LRRC4B: variants seen among roughly 807,000 people sequenced by gnomAD.
LRRC4B encodes leucine rich repeat containing 4B.
Under a neutral mutation model 7.3 loss-of-function variants are expected in LRRC4B, and 1 was observed. The ratio of observed to expected loss-of-function variants is 0.14; its 90% confidence interval spans 0.05 to 0.65. The LOEUF (loss-of-function observed/expected upper bound fraction) is 0.65. LRRC4B is among the 30% of genes least tolerant of loss of function. The pLI is 0.84. For missense variants in LRRC4B, 730 were observed against 1,041.6 expected (o/e 0.70, Z 4.12); for synonymous variants, 500 against 499.2 (o/e 1.00, Z -0.02).
intron 2 of LRRC4B, among the ~76,000 whole-genome samples, chr19:50,526,342 C>T (rs1980805607): frequency 6.6e-6 from 1 of 152,194 alleles, no homozygotes; most frequent in South Asian, 2.1e-4. Context: ...CTGGATACCT[C>T]CCTGCATCTG....
intron 1 of LRRC4B, among the ~76,000 whole-genome samples, chr19:50,565,791 C>T (rs1029175704): frequency 2.0e-5 from 3 of 152,082 alleles, no homozygotes; most frequent in Non-Finnish European, 2.9e-5. Flanking sequence ...TCTGCCTCAC[C>T]CGCGTGTCTG....
rs1262310519 is a variant in LRRC4B at position 50,548,762 on chromosome 19, A to C, written c.77T>G (p.Phe26Cys). 6.5e-7 allele frequency: 1 copy of C among 1,539,160 alleles called. No homozygotes were observed. Among genetic ancestry groups the C allele is most frequent in the Non-Finnish European group, 8.7e-7 (1 of 1,147,240 alleles). ...CAGGGGTGGGGAGAAGAGCCAGAGGAAGAGCAATGCCCCGTGGGGCCAGGA... is the reference window on the plus strand; with the variant it reads ...CAGGGGTGGGGAGAAGAGCCAGAGGCAGAGCAATGCCCCGTGGGGCCAGGA... Reference protein sequence around the residue: ...RMSWPHGALLFLWLFSPPLGA... With the variant: ...RMSWPHGALLCLWLFSPPLGA... Residue 26 changes from phenylalanine (F) to cysteine (C), a missense_variant, in exon 2 of 3, where the codon TTC becomes TGC. Physicochemically the swap from Phe to Cys is radical, Grantham distance 205. This residue lies in a region of LRRC4B where 143 missense variants were observed against 158.4 expected (regional missense o/e 0.90). Coordinates refer to ENST00000652263, the MANE Select transcript of LRRC4B (RefSeq NM_001080457.2). This position sits in a 1 kb window ranked among gnomAD's most constrained non-coding sequence, Gnocchi z 6.8.
intron 2 of LRRC4B, among the ~76,000 whole-genome samples, chr19:50,523,543 TG>T (rs1490135302): frequency 6.5e-5 from 2 of 30,668 alleles, no homozygotes; most frequent in South Asian, 3.6e-3. Flanking sequence ...CCGGGGGTGG[TG>T]GGGGGTGCCT....
At chr19:50,547,663 G>A (rs1015652704) in intron 2 of LRRC4B, among the ~76,000 whole-genome samples, 7 of 147,880 alleles carry the variant, frequency 4.7e-5, no homozygotes, top group African/African-American at 7.5e-5. Flanking sequence ...TCTAGTGGCC[G>A]GAAATGCTGG....
In LRRC4B at chr19:50,556,430, T is replaced by C. The variant is rs1293377690; in HGVS notation, c.-35-7557A>G. Among the ~76,000 whole-genome samples the C allele has an allele frequency of 2.0e-5, 3 of 152,118 alleles. No homozygotes were observed. Among genetic ancestry groups the C allele is most frequent in the African/African-American group, 7.2e-5 (3 of 41,428 alleles). On this transcript the variant is annotated intron_variant, in intron 1 of 2. Transcript: ENST00000652263. The surrounding 1 kb of genome is among the most constrained non-coding windows in gnomAD (Gnocchi z 4.2). ...CAGACCCGTTCCCCTGAGGGGACTTTGCCCCTGCTGTGCCCTCGGCCAGCC... is the reference window on the plus strand; with the variant it reads ...CAGACCCGTTCCCCTGAGGGGACTTCGCCCCTGCTGTGCCCTCGGCCAGCC...
chr19:50,548,856 C>T lies in LRRC4B; in HGVS notation c.-18G>A, dbSNP rs758659242. 1.7e-5 allele frequency: 20 copies of T among 1,183,188 alleles called. No individual in the cohort carries two copies. The highest frequency in any genetic ancestry group is 3.5e-5 in the East Asian group (1 of 28,654). The allele number at this position is 1,183,188 out of a possible 1,614,324, so 73.3% of individuals were successfully genotyped here. ...CGCGCCATCCTCAATGTTCATGCTC[C>T]GCGTGGACGCTGGGGGGCTGTGGGT... On this transcript the variant is annotated 5_prime_UTR_variant, in exon 2 of 3. Transcript: ENST00000652263. This position sits in a 1 kb window ranked among gnomAD's most constrained non-coding sequence, Gnocchi z 6.8.
intron 1 of LRRC4B, among the ~76,000 whole-genome samples, chr19:50,567,485 C>A (rs1471004906): frequency 1.3e-5 from 2 of 151,832 alleles, no homozygotes; most frequent in Non-Finnish European, 2.9e-5. Flanking sequence ...GCCCGCCTCT[C>A]CCCCCTCCCC....
At chr19:50,562,832 C>G (rs1443888027) in intron 1 of LRRC4B, among the ~76,000 whole-genome samples, 1 of 151,736 alleles carries the variant, frequency 6.6e-6, no homozygotes, top group Non-Finnish European at 1.5e-5. Flanking sequence ...CCTCTGCCTC[C>G]CGGGTTCAAG....
At chr19:50,564,742 G>A (rs1982571882) in intron 1 of LRRC4B, among the ~76,000 whole-genome samples, 1 of 152,030 alleles carries the variant, frequency 6.6e-6, no homozygotes, top group Middle Eastern at 3.2e-3. Context: ...TGCAGGGAGA[G>A]AGGATGGAGA....
intron 1 of LRRC4B, among the ~76,000 whole-genome samples, chr19:50,566,578 G>GT (rs5828436): frequency 0.31 from 45,759 of 148,808 alleles, 7,939 homozygotes; most frequent in Non-Finnish European, 0.4. Context: ...AGGCGAAGGG[G>GT]TGGAGGGGTG....
chr19:50,565,500 G>T (rs1466949688), intron 1 of LRRC4B, among the ~76,000 whole-genome samples: 1 of 150,860 alleles, frequency 6.6e-6, no homozygotes, highest in Non-Finnish European at 1.5e-5. Context: ...GGGGTCTCTG[G>T]CTGCCAGTGA....
intron 2 of LRRC4B, among the ~76,000 whole-genome samples, chr19:50,539,886 C>CA (rs79472746): frequency 0.11 from 11,114 of 97,186 alleles, 502 homozygotes; most frequent in Middle Eastern, 0.22. Context: ...GACTCCATCT[C>CA]AAAAAAAAAA....
Position 50,527,753 on chromosome 19 carries a change from C to CT in LRRC4B, c.298-8339dup, listed in dbSNP as rs56185801. 6.4e-4 allele frequency among the ~76,000 whole-genome samples: 73 copies of CT among 114,370 alleles called. 1 individual carries two copies. The highest frequency in any genetic ancestry group is 7.7e-4 in the Non-Finnish European group (42 of 54,366). The allele number at this position is 114,370 out of a possible 152,430, so 75.0% of individuals were successfully genotyped here. A position where few individuals can be genotyped will look rare whatever the true frequency, so the allele number is the denominator to read the frequency against. On this transcript the variant is annotated intron_variant, in intron 2 of 2. Transcript: ENST00000652263. ...CTTTCTCTCTTTCTTTTCTTTTTTTCTTTTTTTTTTTTGAGTCTCGCTCTG... is the reference window on the plus strand; with the variant it reads ...CTTTCTCTCTTTCTTTTCTTTTTTTCTTTTTTTTTTTTTGAGTCTCGCTCTG...
At chr19:50,521,006 G>A (rs1356507335) in intron 2 of LRRC4B, among the ~76,000 whole-genome samples, 2 of 152,098 alleles carry the variant, frequency 1.3e-5, no homozygotes, top group Non-Finnish European at 2.9e-5. Context: ...TCCTCAGCAG[G>A]TGAATGGACA....
chr19:50,548,966 C>A lies in LRRC4B; in HGVS notation c.-35-93G>T. The A allele has an allele frequency of 1.5e-6, 1 of 666,446 alleles. No homozygotes were observed. Among genetic ancestry groups the A allele is most frequent in the South Asian group, 1.9e-5 (1 of 51,338 alleles). 41.3% of individuals were successfully genotyped at this position (666,446 alleles called of 1,614,324 possible). ...GCCAACACCCAGGCAGCCCCATCGC[C>A]GCCTCCCTGCCCCATGCCCAGAACA... On this transcript the variant is annotated intron_variant, in intron 1 of 2. Transcript: ENST00000652263. This position sits in a 1 kb window ranked among gnomAD's most constrained non-coding sequence, Gnocchi z 6.8.
chr19:50,517,673 G>A lies in LRRC4B; in HGVS notation c.2040C>T (p.Gly680=). The change falls in exon 3 of 3, where the codon GGC becomes GGT. Residue 680 remains glycine (G), a synonymous_variant. Transcript: ENST00000652263. The surrounding 1 kb of genome is among the most constrained non-coding windows in gnomAD (Gnocchi z 6.6). ...FKAHYSSNPS[G]GGCGGKGPPG... is the part of the protein sequence containing the mutation. Reference sequence around the variant, plus strand: ...GCGGGCCTTTGCCCCCGCAGCCCCCGCCGCTGGGGTTGCTGCTGTAGTGCG... The same window carrying A: ...GCGGGCCTTTGCCCCCGCAGCCCCCACCGCTGGGGTTGCTGCTGTAGTGCG... The A allele has an allele frequency of 6.5e-7, 1 of 1,532,140 alleles. No individual in the cohort carries two copies. The highest frequency in any genetic ancestry group is 1.2e-5 in the South Asian group (1 of 80,402). 94.9% of individuals were successfully genotyped at this position (1,532,140 alleles called of 1,614,324 possible).
chr19:50,550,192 C>G (rs1193315143), intron 1 of LRRC4B, among the ~76,000 whole-genome samples: 2 of 152,138 alleles, frequency 1.3e-5, no homozygotes, highest in Admixed American at 6.5e-5. Flanking sequence ...TGAGGGAAAA[C>G]GGCCTGTCCA....
chr19:50,551,105 A>C, intron 1 of LRRC4B: 1 of 119,704 alleles, frequency 8.4e-6, no homozygotes, highest in Non-Finnish European at 1.7e-5. Flanking sequence ...TTCTGCAGCG[A>C]CTCGGCCTCC....
Position 50,518,704 on chromosome 19 carries a change from A to G in LRRC4B, c.1009T>C (p.Cys337Arg), listed in dbSNP as rs1255566280. The part of the protein sequence containing the change: ...KETVPSNTTC[C>R]ARCHAPAGLK... ...CCGGCGGGCGCATGACAGCGGGCGC[A>G]GCACGTCGTGTTGCTGGGCACCGTC... The change falls in exon 3 of 3, where the codon TGC becomes CGC. Residue 337 changes from cysteine (C) to arginine (R), a missense_variant. Around this residue, in one of 6 missense-constraint regions of LRRC4B, gnomAD observed 226 missense variants for 448.0 expected, o/e 0.50. Transcript: ENST00000652263. The G allele has an allele frequency of 6.2e-7, 1 of 1,613,746 alleles. No homozygotes were observed. The highest frequency in any genetic ancestry group is 1.3e-5 in the African/African-American group (1 of 74,932).
Sources: allele counts gnomAD v4.1 joint callset (sites outside exome capture counted in the v4.1 genomes callset), GRCh38; gene constraint gnomAD v4.1.1; regional missense constraint gnomAD v4.1.1; non-coding constraint Gnocchi (gnomAD v3.1); transcripts MANE v1.5; gene names NCBI Gene and HGNC (gene_info 2026-07-23, HGNC 2026-07-21).